ZNF292: variants seen among roughly 807,000 people sequenced by gnomAD.
ZNF292 encodes 16 zinc-finger domain protein.
ZNF292 carries 26 observed loss-of-function variants against 217.9 expected under a neutral mutation model. That is an observed-to-expected ratio of 0.12 (90% confidence interval 0.09 to 0.17). The LOEUF (loss-of-function observed/expected upper bound fraction) is 0.17, where lower values mean the gene tolerates loss of function less well. ZNF292 is among the 10% of genes least tolerant of loss of function. ZNF292 has a pLI of 1.00. For synonymous variants in ZNF292, 1,257 were observed against 1,124.1 expected (o/e 1.12, Z -2.37); for missense variants, 2,904 against 3,175.2 (o/e 0.91, Z 2.05).
intron 2 of ZNF292, 102 bp from the exon 3 acceptor site, chr6:87,216,197 T>G: frequency 1.5e-6 from 2 of 1,309,202 alleles, no homozygotes; most frequent in South Asian, 2.8e-5. Flanking sequence ...TTTAAATAGA[T>G]TAGTTATGGG....
chr6:87,163,474 C>A (rs1164437347), intron 1 of ZNF292, among the ~76,000 whole-genome samples: 1 of 151,490 alleles, frequency 6.6e-6, no homozygotes, highest in Admixed American at 6.6e-5. Flanking sequence ...CCCAAAAAAA[C>A]CACATACATT....
intron 1 of ZNF292, among the ~76,000 whole-genome samples, chr6:87,163,559 A>G (rs755989569): frequency 2.6e-5 from 4 of 152,184 alleles, no homozygotes; most frequent in Non-Finnish European, 5.9e-5. Context: ...TAAGGTAGCT[A>G]TGGAGAATTA....
chr6:87,258,545 T>C lies in ZNF292; in HGVS notation c.4916T>C (p.Ile1639Thr), dbSNP rs778530855. The C allele has an allele frequency of 1.9e-6, 3 of 1,613,562 alleles. No homozygotes were observed. The African/African-American group carries it at 4.0e-5, about 22-fold the overall frequency. The change falls in exon 8 of 8, where the codon ATT (isoleucine) becomes ACT (threonine). Residue 1639 changes from isoleucine (I) to threonine (T), a missense_variant. By Grantham distance (89) the Ile-to-Thr change is moderately conservative. Around this residue, in one of 15 missense-constraint regions of ZNF292, gnomAD observed 622 missense variants for 573.1 expected, o/e 1.09. Transcript: ENST00000369577. The stretch of plus-strand genomic sequence containing the variant: ...AGAAAGAAAGTTGCTCCTCCACTAA[T>C]TGCACCTAACGCTTCCCAAAACTTG... ...KRRKKVAPPL[I>T]APNASQNLVT...
chr6:87,169,801 C>T (rs1459817354), intron 1 of ZNF292: 3 of 327,454 alleles, frequency 9.2e-6, no homozygotes, highest in African/African-American at 4.4e-5. Flanking sequence ...TGTGCGCTAC[C>T]ATGCCCAGCT....
At chr6:87,251,119 T>G (rs566066144) in intron 7 of ZNF292, among the ~76,000 whole-genome samples, 1 of 152,060 alleles carries the variant, frequency 6.6e-6, no homozygotes, top group East Asian at 1.9e-4. Context: ...TCAAGACAAA[T>G]GAGAGAATGG....
intron 1 of ZNF292, among the ~76,000 whole-genome samples, chr6:87,175,901 ATGTT>A (rs1771272706): frequency 6.6e-6 from 1 of 152,142 alleles, no homozygotes; most frequent in African/African-American, 2.4e-5. Context: ...GCTGTTTAAA[ATGTT>A]TGTGACCCCA....
chr6:87,245,165 C>A lies in ZNF292; in HGVS notation c.879-338C>A, dbSNP rs1016986522. ...CTGAGGCAGAAGAATCGCTTGAACC[C>A]GGGAGGCAAGGTTGCAGTGAGCCGA... On this transcript the variant is annotated intron_variant, in intron 6 of 7. Transcript: ENST00000369577. Among the ~76,000 whole-genome samples the A allele has an allele frequency of 3.3e-5, 5 of 151,850 alleles. No homozygotes were observed. The East Asian group carries it at 9.7e-4, about 29-fold the overall frequency.
chr6:87,196,261 C>T (rs183988192), intron 1 of ZNF292, among the ~76,000 whole-genome samples: 1 of 152,160 alleles, frequency 6.6e-6, no homozygotes, highest in Admixed American at 6.5e-5. Flanking sequence ...ATTTCAGAGA[C>T]TTCCTTTAAT....
Position 87,255,680 on chromosome 6 carries a change from C to G in ZNF292, c.2051C>G (p.Pro684Arg). The change falls in exon 8 of 8, where the codon CCT becomes CGT. Residue 684 changes from proline to arginine, a missense_variant. Coordinates refer to ENST00000369577, the MANE Select transcript of ZNF292 (RefSeq NM_015021.3). ...KPVPVNEFNC[P>R]VTFCKKGFKY... ...GTACCTGTTAATGAATTTAATTGCCCTGTAACTTTTTGTAAAAAGGGCTTT... is the reference window on the plus strand; with the variant it reads ...GTACCTGTTAATGAATTTAATTGCCGTGTAACTTTTTGTAAAAAGGGCTTT... 1 of 1,613,152 alleles carries G rather than the reference C, an allele frequency of 6.2e-7. No homozygotes were observed. The highest frequency in any genetic ancestry group is 8.5e-7 in the Non-Finnish European group (1 of 1,179,566).
intron 7 of ZNF292, among the ~76,000 whole-genome samples, chr6:87,246,734 G>A (rs1290140513): frequency 3.9e-5 from 6 of 152,022 alleles, no homozygotes; most frequent in African/African-American, 1.4e-4. Context: ...CAGAATTGAT[G>A]GCGCCTGCCT....
chr6:87,168,479 A>G (rs1361653076), intron 1 of ZNF292, among the ~76,000 whole-genome samples: 7 of 152,082 alleles, frequency 4.6e-5, no homozygotes, highest in Non-Finnish European at 8.8e-5. Flanking sequence ...TAGCTTCGTA[A>G]TAGTTTTTTT....
At chr6:87,198,474 G>C (rs1460629547) in intron 1 of ZNF292, among the ~76,000 whole-genome samples, 1 of 152,148 alleles carries the variant, frequency 6.6e-6, no homozygotes, top group Non-Finnish European at 1.5e-5. Flanking sequence ...AAAGTGCTGG[G>C]ATTACAGGCC....
chr6:87,237,405 C>G (rs939967124), intron 5 of ZNF292, among the ~76,000 whole-genome samples: 1 of 152,078 alleles, frequency 6.6e-6, no homozygotes, highest in African/African-American at 2.4e-5. Flanking sequence ...CCATGCCTGG[C>G]TAATTTTTTG....
At chr6:87,178,273 C>G (rs1008657224) in intron 1 of ZNF292, among the ~76,000 whole-genome samples, 2 of 152,204 alleles carry the variant, frequency 1.3e-5, no homozygotes, top group African/African-American at 4.8e-5. Flanking sequence ...GGGAACATGC[C>G]TAGTTTGCTG....
intron 1 of ZNF292, among the ~76,000 whole-genome samples, chr6:87,197,820 A>G (rs1384433793): frequency 6.6e-6 from 1 of 150,844 alleles, no homozygotes; most frequent in Non-Finnish European, 1.5e-5. Context: ...AAGTACATTC[A>G]TTTCTAGCTT....
chr6:87,203,972 C>CA (rs1408227375), intron 1 of ZNF292, among the ~76,000 whole-genome samples: 1 of 152,026 alleles, frequency 6.6e-6, no homozygotes, highest in African/African-American at 2.4e-5. Context: ...ATCAAGGGAT[C>CA]AAAATGAACA....
chr6:87,169,647 T>A (rs1392958911), intron 1 of ZNF292: 1 of 421,482 alleles, frequency 2.4e-6, no homozygotes, highest in South Asian at 1.7e-5. Flanking sequence ...TTTAGTTGTT[T>A]TTTTGTTTTG....
chr6:87,254,264 G>A (rs1039290430), intron 7 of ZNF292, among the ~76,000 whole-genome samples: 2 of 152,332 alleles, frequency 1.3e-5, no homozygotes, highest in African/African-American at 2.4e-5. Flanking sequence ...TTTACTATGT[G>A]CCAGACATTA....
intron 1 of ZNF292, among the ~76,000 whole-genome samples, chr6:87,193,606 G>A (rs950848611): frequency 4.6e-5 from 7 of 151,834 alleles, no homozygotes; most frequent in Non-Finnish European, 1.0e-4. Context: ...AAAACAACCT[G>A]CGCCCTTCAA....
Sources: allele counts gnomAD v4.1 joint callset (sites outside exome capture counted in the v4.1 genomes callset), GRCh38; gene constraint gnomAD v4.1.1; regional missense constraint gnomAD v4.1.1; transcripts MANE v1.5; gene names NCBI Gene and HGNC (gene_info 2026-07-23, HGNC 2026-07-21).